The following GPCPD1 variants were observed in gnomAD, a reference collection of about 807,000 sequenced individuals.
The protein encoded by GPCPD1 is glycerophosphocholine phosphodiesterase 1.
In GPCPD1, 29 loss-of-function variants were observed where a neutral mutation model predicts 89.2. The observed-to-expected ratio is 0.33, with a 90% CI of 0.24 to 0.44. GPCPD1 has a LOEUF of 0.44. Ranked by LOEUF, GPCPD1 falls within the 20% of genes least tolerant of loss-of-function variation. The pLI is 1.00. For missense variants in GPCPD1, 594 were observed against 808.9 expected (o/e 0.73, Z 3.22); for synonymous variants, 258 against 266.3 (o/e 0.97, Z 0.30).
intron 12 of GPCPD1, among the ~76,000 whole-genome samples, chr20:5,568,048 G>C (rs1425602767): frequency 1.3e-5 from 2 of 151,974 alleles, no homozygotes; most frequent in Non-Finnish European, 2.9e-5. Flanking sequence ...TGAAAAAATT[G>C]TCTGATTAGC....
intron 7 of GPCPD1, 126 bp from the exon 8 acceptor site, chr20:5,578,737 T>A: frequency 1.6e-6 from 1 of 639,574 alleles, no homozygotes; most frequent in East Asian, 2.7e-5. Context: ...ACAAAAATAA[T>A]GTATTATGCA....
At chr20:5,559,576 T>C (rs1236969421) in intron 17 of GPCPD1, among the ~76,000 whole-genome samples, 3 of 94,442 alleles carry the variant, frequency 3.2e-5, no homozygotes, top group African/African-American at 1.7e-4. Flanking sequence ...AGATCCTGTC[T>C]CAAAAACAAT....
At chr20:5,603,746 C>CTT (rs1181802350) in intron 2 of GPCPD1, among the ~76,000 whole-genome samples, 28 of 135,400 alleles carry the variant, frequency 2.1e-4, no homozygotes, top group African/African-American at 4.8e-4. Context: ...CCAACTTATT[C>CTT]TTTTTTTTTT....
chr20:5,598,647 A>G lies in GPCPD1; in HGVS notation c.146+78T>C, dbSNP rs1979905418. 6 of 786,770 alleles carry G rather than the reference A, an allele frequency of 7.6e-6. No homozygotes were observed. In the South Asian group the frequency reaches 9.6e-5, roughly 13 times the overall value. 48.7% of individuals were successfully genotyped at this position (786,770 alleles called of 1,614,324 possible). On this transcript the variant is annotated intron_variant, in intron 3 of 19. Coordinates refer to ENST00000379019, the MANE Select transcript of GPCPD1 (RefSeq NM_019593.5). ...AAAAATTATAACTAAAAGAAAAAAT[A>G]CCAAGATATCTTAAAAGCCCCTAAC... is the stretch of plus-strand genomic sequence containing the variant.
rs1568635274 is a variant in GPCPD1, at chr20:5,546,788, C to A, written c.*873G>T. The A allele has an allele frequency of 2.0e-5, 3 of 148,896 alleles. No homozygotes were observed. The highest frequency in any genetic ancestry group is 7.4e-5 in the African/African-American group (3 of 40,646). The allele number at this position is 148,896 out of a possible 1,614,324, so 9.2% of individuals were successfully genotyped here. A position where few individuals can be genotyped will look rare whatever the true frequency, so the allele number is the denominator to read the frequency against. ...CATATTTAAAACGCCTACAAACAGCCTTTTTTTTTTAGGCAACAAAATACG... is the reference window on the plus strand; with the variant it reads ...CATATTTAAAACGCCTACAAACAGCATTTTTTTTTTAGGCAACAAAATACG... On this transcript the variant is annotated 3_prime_UTR_variant, in exon 20 of 20. Transcript: ENST00000379019.
intron 3 of GPCPD1, 144 bp from the exon 4 acceptor site, chr20:5,593,555 G>A: frequency 1.8e-6 from 1 of 564,558 alleles, no homozygotes. Context: ...GGCCTACTCT[G>A]TAGCAGGCAA....
intron 8 of GPCPD1, among the ~76,000 whole-genome samples, chr20:5,577,120 A>G (rs1284257087): frequency 7.3e-6 from 1 of 136,298 alleles, no homozygotes; most frequent in East Asian, 2.3e-4. Flanking sequence ...GCTGGAGTGC[A>G]GTGGTGTGAT....
intron 8 of GPCPD1, among the ~76,000 whole-genome samples, chr20:5,576,547 G>A (rs1440520623): frequency 1.3e-5 from 2 of 152,062 alleles, no homozygotes; most frequent in African/African-American, 2.4e-5. Context: ...GTGACTTGAT[G>A]GCTTCTCTAT....
At chr20:5,590,404 A>G (rs1040227667) in intron 4 of GPCPD1, among the ~76,000 whole-genome samples, 30 of 151,848 alleles carry the variant, frequency 2.0e-4, no homozygotes, top group African/African-American at 7.3e-4. Context: ...TTAGCCAGGC[A>G]TAGTGGTTGC....
intron 12 of GPCPD1, among the ~76,000 whole-genome samples, chr20:5,568,166 G>T (rs1253119667): frequency 6.7e-6 from 1 of 148,568 alleles, no homozygotes; most frequent in East Asian, 2.0e-4. Context: ...CTCTGTTGAA[G>T]GCACTTCTAC....
chr20:5,560,498 G>A (rs1986024539), intron 16 of GPCPD1, among the ~76,000 whole-genome samples: 1 of 151,916 alleles, frequency 6.6e-6, no homozygotes, highest in South Asian at 2.1e-4. Context: ...CTCATTCTTT[G>A]GGTCTTGGGC....
At chr20:5,565,228 T>C (rs898329266) in intron 14 of GPCPD1, 150 bp from the exon 15 acceptor site, 18 of 140,750 alleles carry the variant, frequency 1.3e-4, no homozygotes, top group South Asian at 2.0e-4. Context: ...CTGAGATCCC[T>C]TTTTTTTTTT....
At chr20:5,591,326 T>C (rs1008641526) in intron 4 of GPCPD1, among the ~76,000 whole-genome samples, 1 of 152,086 alleles carries the variant, frequency 6.6e-6, no homozygotes, top group African/African-American at 2.4e-5. Flanking sequence ...GGAAGAAAAA[T>C]GAATGGTAAA....
intron 3 of GPCPD1, among the ~76,000 whole-genome samples, chr20:5,594,484 G>A (rs963492507): frequency 2.0e-5 from 3 of 152,064 alleles, no homozygotes; most frequent in Non-Finnish European, 2.9e-5. Context: ...TAGTAGAGAC[G>A]GGTTTCACCG....
At chr20:5,558,899 A>G (rs1300188085) in intron 17 of GPCPD1, 80 bp from the exon 18 acceptor site, 1 of 1,085,004 alleles carries the variant, frequency 9.2e-7, no homozygotes, top group Non-Finnish European at 1.3e-6. Flanking sequence ...GAAAACACTG[A>G]AAGTATAAAG....
intron 1 of GPCPD1, among the ~76,000 whole-genome samples, chr20:5,608,164 T>C: frequency 6.6e-6 from 1 of 152,160 alleles, no homozygotes; most frequent in East Asian, 1.9e-4. Context: ...CTTAAGTAAA[T>C]ATAATAAAAG....
intron 16 of GPCPD1, among the ~76,000 whole-genome samples, chr20:5,560,779 T>C (rs1362695420): frequency 6.6e-6 from 1 of 152,188 alleles, no homozygotes; most frequent in Non-Finnish European, 1.5e-5. Flanking sequence ...CAATGCCCAA[T>C]CATGACATCT....
At chr20:5,561,741 A>G (rs1406901248) in intron 15 of GPCPD1, among the ~76,000 whole-genome samples, 1 of 152,266 alleles carries the variant, frequency 6.6e-6, no homozygotes, top group Admixed American at 6.5e-5. Context: ...GAAATTAAGC[A>G]GCAAAAGCAG....
At chr20:5,553,293 C>T (rs928517575) in intron 19 of GPCPD1, among the ~76,000 whole-genome samples, 8 of 152,260 alleles carry the variant, frequency 5.3e-5, no homozygotes, top group African/African-American at 1.7e-4. Flanking sequence ...TGAGGTGCCA[C>T]GAATCATACC....
Sources: allele counts gnomAD v4.1 joint callset (sites outside exome capture counted in the v4.1 genomes callset), GRCh38; gene constraint gnomAD v4.1.1; transcripts MANE v1.5; gene names NCBI Gene and HGNC (gene_info 2026-07-23, HGNC 2026-07-21).